Variants in SPAG16 observed in about 807,000 individuals in gnomAD.
SPAG16 encodes sperm-associated antigen 16 protein.
SPAG16 carries 86 observed loss-of-function variants against 80.4 expected under a neutral mutation model. The ratio of observed to expected loss-of-function variants is 1.07; its 90% CI spans 0.90 to 1.28. SPAG16 has a LOEUF of 1.28. Among genes scored for constraint, SPAG16 ranks in the 50% most tolerant of loss-of-function variants. SPAG16 has a pLI of 0.00. For synonymous variants in SPAG16, 294 were observed against 265.9 expected (o/e 1.11, Z -1.03); for missense variants, 870 against 765.3 (o/e 1.14, Z -1.61).
intron 3 of SPAG16, among the ~76,000 whole-genome samples, chr2:213,306,091 T>C (rs2062926486): frequency 6.6e-6 from 1 of 152,068 alleles, no homozygotes; most frequent in African/African-American, 2.4e-5. Flanking sequence ...CAGGAATTTA[T>C]CCATTTCTTC....
intron 15 of SPAG16, among the ~76,000 whole-genome samples, chr2:214,369,278 G>C (rs1414337401): frequency 6.6e-6 from 1 of 152,092 alleles, no homozygotes; most frequent in East Asian, 1.9e-4. Flanking sequence ...CTTAAAGACT[G>C]TATATGAAGA....
intron 13 of SPAG16, among the ~76,000 whole-genome samples, chr2:214,082,343 G>A (rs1264174498): frequency 6.6e-6 from 1 of 152,080 alleles, no homozygotes; most frequent in East Asian, 1.9e-4. Flanking sequence ...AAATGTGTCT[G>A]AAACCCAAAG....
intron 5 of SPAG16, among the ~76,000 whole-genome samples, chr2:213,320,122 T>C (rs2063553406): frequency 6.6e-6 from 1 of 152,028 alleles, no homozygotes; most frequent in African/African-American, 2.4e-5. Context: ...CAGCACATTT[T>C]AGTAAAGTGC....
chr2:213,834,126 C>T (rs1309112559), intron 10 of SPAG16, among the ~76,000 whole-genome samples: 9 of 152,118 alleles, frequency 5.9e-5, no homozygotes, highest in African/African-American at 1.7e-4. Flanking sequence ...GCCACTGCCA[C>T]GTAGAAAGTG....
chr2:213,345,797 T>C (rs1243151767), intron 6 of SPAG16, among the ~76,000 whole-genome samples: 2 of 152,242 alleles, frequency 1.3e-5, no homozygotes, highest in East Asian at 3.9e-4. Context: ...TGTAGTGTAG[T>C]TTGAAGTCAG....
intron 9 of SPAG16, among the ~76,000 whole-genome samples, chr2:213,439,458 G>C (rs370782596): frequency 6.6e-6 from 1 of 152,288 alleles, no homozygotes; most frequent in South Asian, 2.1e-4. Context: ...GGAAGAAGGG[G>C]AACTATCATT....
At chr2:214,226,952 A>G (rs1157638236) in intron 15 of SPAG16, among the ~76,000 whole-genome samples, 1 of 152,054 alleles carries the variant, frequency 6.6e-6, no homozygotes, top group Admixed American at 6.6e-5. Flanking sequence ...TGGATTGCCA[A>G]GTATGAATCA....
chr2:214,307,666 G>A (rs1695014875), intron 15 of SPAG16, among the ~76,000 whole-genome samples: 2 of 152,090 alleles, frequency 1.3e-5, no homozygotes, highest in African/African-American at 2.4e-5. Flanking sequence ...AAGTCATTCA[G>A]GAGCAGGTTA....
At chr2:214,077,566 G>A (rs1373681657) in intron 13 of SPAG16, among the ~76,000 whole-genome samples, 1 of 152,206 alleles carries the variant, frequency 6.6e-6, no homozygotes, top group African/African-American at 2.4e-5. Flanking sequence ...TGAGAGTGCT[G>A]AGTTCTCCCC....
chr2:213,771,172 A>G (rs573819221), intron 10 of SPAG16, among the ~76,000 whole-genome samples: 1 of 152,304 alleles, frequency 6.6e-6, no homozygotes, highest in East Asian at 1.9e-4. Context: ...ATGAAATGGT[A>G]TCTAATTGTT....
At chr2:213,893,528 T>G (rs1441404064) in intron 11 of SPAG16, among the ~76,000 whole-genome samples, 2 of 152,156 alleles carry the variant, frequency 1.3e-5, no homozygotes, top group Non-Finnish European at 2.9e-5. Context: ...TTAAGAGATA[T>G]GTAATATAAA....
chr2:214,006,424 G>A lies in SPAG16; in HGVS notation c.1401-7527G>A, dbSNP rs78184247. 6.9e-3 allele frequency among the ~76,000 whole-genome samples: 1,057 copies of A among 152,170 alleles called. 11 individuals carry two copies. The highest frequency in any genetic ancestry group is 0.023 in the African/African-American group (959 of 41,524). On this transcript the variant is annotated intron_variant, in intron 12 of 15. Coordinates refer to ENST00000331683, the MANE Select transcript of SPAG16 (RefSeq NM_024532.5). Reference sequence around the variant, plus strand: ...GAAGAGTAGACAAATCTGCTTTACAGCAAGTTGAAAGTTTAGAGAAATATT... The same window carrying A: ...GAAGAGTAGACAAATCTGCTTTACAACAAGTTGAAAGTTTAGAGAAATATT...
chr2:214,382,626 T>C (rs1324788991), intron 15 of SPAG16, among the ~76,000 whole-genome samples: 1 of 152,228 alleles, frequency 6.6e-6, no homozygotes, highest in East Asian at 1.9e-4. Flanking sequence ...ATAGCTCAGT[T>C]ATTGAGTATC....
chr2:214,108,386 T>C, intron 14 of SPAG16, 125 bp downstream of exon 14: 1 of 688,852 alleles, frequency 1.5e-6, no homozygotes, highest in East Asian at 2.9e-5. Context: ...TAGGAATTAG[T>C]TGTAAACAAT....
intron 9 of SPAG16, among the ~76,000 whole-genome samples, chr2:213,378,981 C>T (rs1270999910): frequency 6.6e-6 from 1 of 152,190 alleles, no homozygotes; most frequent in Non-Finnish European, 1.5e-5. Context: ...GGGCCAATCA[C>T]CCCAGCCAAG....
intron 9 of SPAG16, among the ~76,000 whole-genome samples, chr2:213,454,416 C>T (rs906987691): frequency 6.6e-5 from 10 of 152,052 alleles, no homozygotes; most frequent in Admixed American, 6.6e-4. Flanking sequence ...TATATTTTCT[C>T]TATATCTCTC....
chr2:213,393,560 A>G (rs2067881045), intron 9 of SPAG16, among the ~76,000 whole-genome samples: 2 of 152,144 alleles, frequency 1.3e-5, no homozygotes, highest in Admixed American at 6.5e-5. Context: ...TTGGTTTCCA[A>G]TGTCTTGGAA....
chr2:213,526,553 A>G (rs1575841442), intron 10 of SPAG16, among the ~76,000 whole-genome samples: 2 of 152,136 alleles, frequency 1.3e-5, no homozygotes, highest in African/African-American at 4.8e-5. Flanking sequence ...CACAGATGTC[A>G]ACTTGGAGCC....
At chr2:213,391,071 C>A (rs1019167866) in intron 9 of SPAG16, among the ~76,000 whole-genome samples, 2 of 152,032 alleles carry the variant, frequency 1.3e-5, no homozygotes, top group African/African-American at 4.8e-5. Flanking sequence ...AGTTCAAGAC[C>A]AGCCTGACCA....
Sources: allele counts gnomAD v4.1 joint callset (sites outside exome capture counted in the v4.1 genomes callset), GRCh38; gene constraint gnomAD v4.1.1; transcripts MANE v1.5; gene names NCBI Gene and HGNC (gene_info 2026-07-23, HGNC 2026-07-21).